RBFOX1: variants seen among roughly 807,000 people sequenced by gnomAD.
RBFOX1 encodes the protein RNA binding fox-1 homolog 1.
Under a neutral mutation model 57.7 loss-of-function variants are expected in RBFOX1, and 8 were observed. The observed-to-expected ratio is 0.14, with a 90% CI of 0.08 to 0.25. The LOEUF (loss-of-function observed/expected upper bound fraction) is 0.25, where lower values mean the gene tolerates loss of function less well. RBFOX1 is among the 10% of genes least tolerant of loss of function. The pLI, the probability that RBFOX1 is intolerant of heterozygous loss-of-function variation, is 1.00. For synonymous variants in RBFOX1, 326 were observed against 222.4 expected (o/e 1.47, Z -4.15); for missense variants, 611 against 548.5 (o/e 1.11, Z -1.14).
chr16:5,941,471 C>G (rs1207904732), intron 4 of RBFOX1, among the ~76,000 whole-genome samples: 1 of 144,284 alleles, frequency 6.9e-6, no homozygotes, highest in Non-Finnish European at 1.5e-5. Context: ...GCCTGGGTGA[C>G]AAAGCAAGAT....
chr16:6,743,276 T>A (rs1342914574), intron 3 of RBFOX1, among the ~76,000 whole-genome samples: 3 of 152,134 alleles, frequency 2.0e-5, no homozygotes, highest in Admixed American at 2.0e-4. Context: ...AAGGGAAAGT[T>A]GGGACAAATG....
intron 1 of RBFOX1, among the ~76,000 whole-genome samples, chr16:6,065,306 A>T (rs540711808): frequency 1.3e-5 from 2 of 150,750 alleles, no homozygotes; most frequent in African/African-American, 4.9e-5. Flanking sequence ...AAGTGCTGGG[A>T]TTACAGGTGT....
chr16:6,015,725 T>C (rs115406105), upstream of RBFOX1, among the ~76,000 whole-genome samples: 62 of 152,344 alleles, frequency 4.1e-4, no homozygotes, highest in African/African-American at 1.5e-3. Flanking sequence ...AATTCCTATT[T>C]ATCTTCTCTA....
Position 7,669,454 on chromosome 16 carries a change from G to A in RBFOX1, c.930+4486G>A, listed in dbSNP as rs2070647319. Reference sequence around the variant, plus strand: ...ATAGTGAGGTGTGACAATGGTAAGAGCAGAGAGAAAGAGTGAGAGGATATA... The same window carrying A: ...ATAGTGAGGTGTGACAATGGTAAGAACAGAGAGAAAGAGTGAGAGGATATA... On this transcript the variant is annotated intron_variant, in intron 13 of 15. Transcript: ENST00000550418. Among the ~76,000 whole-genome samples the A allele has an allele frequency of 3.9e-5, 6 of 152,218 alleles. No individual in the cohort carries two copies. In the South Asian group the frequency reaches 1.2e-3, roughly 32 times the overall value.
chr16:5,519,453 G>A (rs917256706), intron 2 of RBFOX1, among the ~76,000 whole-genome samples: 1 of 152,212 alleles, frequency 6.6e-6, no homozygotes, highest in Non-Finnish European at 1.5e-5. Context: ...GCTGGGTATG[G>A]TGGCTCATGC....
intron 3 of RBFOX1, among the ~76,000 whole-genome samples, chr16:6,876,156 C>G (rs533246620): frequency 1.9e-4 from 29 of 151,982 alleles, no homozygotes; most frequent in African/African-American, 6.8e-4. Context: ...GCACTCCAGC[C>G]TGGGCAACAG....
intron 2 of RBFOX1, among the ~76,000 whole-genome samples, chr16:6,529,384 C>G (rs986923580): frequency 8.6e-5 from 13 of 151,934 alleles, no homozygotes; most frequent in African/African-American, 2.9e-4. Context: ...CTTGGTGATA[C>G]CCCATCTCTA....
At chr16:6,049,358 A>G (rs1267693566) in intron 1 of RBFOX1, among the ~76,000 whole-genome samples, 2 of 152,138 alleles carry the variant, frequency 1.3e-5, no homozygotes, top group Admixed American at 6.5e-5. Flanking sequence ...TAAAACTTAA[A>G]GCATATTTAA....
Position 6,895,444 on chromosome 16 carries a change from GTGTGTATATATATATATA to G in RBFOX1, c.-15-156611_-15-156594del, listed in dbSNP as rs1408508639. Among the ~76,000 whole-genome samples the G allele has an allele frequency of 3.8e-3, 282 of 73,464 alleles. 7 individuals are homozygous for G. Among genetic ancestry groups the G allele is most frequent in the African/African-American group, 0.016 (262 of 16,196 alleles). The allele number at this position is 73,464 out of a possible 152,430, so 48.2% of individuals were successfully genotyped here. A position where few individuals can be genotyped will look rare whatever the true frequency, so the allele number is the denominator to read the frequency against. ...TGTGTGTGTGTGTGTGTGTGTGTGTGTGTGTATATATATATATATATATATATATATATATATATATAT... is the reference window on the plus strand; with the variant it reads ...TGTGTGTGTGTGTGTGTGTGTGTGTGTATATATATATATATATATATATAT... On this transcript the variant is annotated intron_variant, in intron 3 of 15. Transcript: ENST00000550418.
chr16:5,700,880 C>G (rs996620625), intron 3 of RBFOX1, among the ~76,000 whole-genome samples: 1 of 152,186 alleles, frequency 6.6e-6, no homozygotes, highest in African/African-American at 2.4e-5. Context: ...GTCACATGTC[C>G]ACTCCAGGAG....
chr16:6,556,917 G>A (rs2153895318), intron 2 of RBFOX1, among the ~76,000 whole-genome samples: 1 of 150,458 alleles, frequency 6.6e-6, no homozygotes, highest in East Asian at 2.0e-4. Flanking sequence ...CAGAGTTGAG[G>A]TTTTTGTCAT....
At chr16:5,279,134 T>C (rs2063210722) in intron 1 of RBFOX1, among the ~76,000 whole-genome samples, 1 of 152,156 alleles carries the variant, frequency 6.6e-6, no homozygotes, top group Non-Finnish European at 1.5e-5. Flanking sequence ...AGAATATAAT[T>C]GATAGGGATT....
intron 2 of RBFOX1, among the ~76,000 whole-genome samples, chr16:6,377,154 A>G (rs2091281878): frequency 6.6e-6 from 1 of 151,752 alleles, no homozygotes; most frequent in Non-Finnish European, 1.5e-5. Context: ...CTGTGCCTGT[A>G]GGCCCAGCTA....
intron 3 of RBFOX1, among the ~76,000 whole-genome samples, chr16:6,749,903 C>CT (rs1256484430): frequency 1.3e-5 from 2 of 152,152 alleles, no homozygotes; most frequent in African/African-American, 4.8e-5. Flanking sequence ...TCTACATCCT[C>CT]AGAATACAAT....
At chr16:6,446,289 C>T (rs574145195) in intron 2 of RBFOX1, among the ~76,000 whole-genome samples, 2 of 152,310 alleles carry the variant, frequency 1.3e-5, no homozygotes, top group African/African-American at 2.4e-5. Flanking sequence ...AGGCGTGAGC[C>T]ACCACACCTG....
chr16:5,345,924 A>G (rs1264037527), intron 1 of RBFOX1, among the ~76,000 whole-genome samples: 1 of 152,202 alleles, frequency 6.6e-6, no homozygotes, highest in Non-Finnish European at 1.5e-5. Flanking sequence ...TATTGTGTGG[A>G]AGAAACCCTG....
intron 1 of RBFOX1, among the ~76,000 whole-genome samples, chr16:6,125,023 C>G (rs150265643): frequency 2.6e-5 from 4 of 152,158 alleles, no homozygotes; most frequent in Non-Finnish European, 5.9e-5. Flanking sequence ...CAGAGACTCC[C>G]CAAGGGGCTG....
At chr16:6,832,985 C>T (rs192262893) in intron 3 of RBFOX1, among the ~76,000 whole-genome samples, 1 of 152,218 alleles carries the variant, frequency 6.6e-6, no homozygotes, top group Admixed American at 6.5e-5. Context: ...AACTCCTGCT[C>T]CTCATTTACC....
chr16:6,763,373 G>C (rs2076903422), intron 3 of RBFOX1, among the ~76,000 whole-genome samples: 1 of 152,192 alleles, frequency 6.6e-6, no homozygotes, highest in Non-Finnish European at 1.5e-5. Flanking sequence ...CTGTTGGAGA[G>C]CCATCCATTC....
Sources: allele counts gnomAD v4.1 joint callset (sites outside exome capture counted in the v4.1 genomes callset), GRCh38; gene constraint gnomAD v4.1.1; transcripts MANE v1.5; gene names NCBI Gene and HGNC (gene_info 2026-07-23, HGNC 2026-07-21).